The following PSMG1 variants were observed in gnomAD, a reference collection of about 807,000 sequenced individuals.
PSMG1 encodes the protein proteasome assembly chaperone 1.
PSMG1 carries 23 observed loss-of-function variants against 37.2 expected under a neutral mutation model. The observed-to-expected ratio is 0.62, with a 90% confidence interval of 0.44 to 0.88. The LOEUF (loss-of-function observed/expected upper bound fraction) is 0.88, where lower values mean the gene tolerates loss of function less well. Ranked by LOEUF, PSMG1 falls within the 40% of genes least tolerant of loss-of-function variation. The pLI is 0.00. For synonymous variants in PSMG1, 127 were observed against 128.0 expected (o/e 0.99, Z 0.05); for missense variants, 340 against 344.2 (o/e 0.99, Z 0.10).
chr21:39,175,443 G>A lies in PSMG1; in HGVS notation c.*147C>T. On this transcript the variant is annotated 3_prime_UTR_variant, in exon 7 of 7. Transcript: ENST00000331573. Reference sequence around the variant, plus strand: ...TGTGAATAATACCACCATAAATAAGGAATTAAAACTACAATTAATTTTTTA... The same window carrying A: ...TGTGAATAATACCACCATAAATAAGAAATTAAAACTACAATTAATTTTTTA... 8.2e-7 allele frequency: 1 copy of A among 1,225,646 alleles called. No homozygotes were observed. Among genetic ancestry groups the A allele is most frequent in the South Asian group, 2.2e-5 (1 of 45,360 alleles). The allele number at this position is 1,225,646 out of a possible 1,614,324, so 75.9% of individuals were successfully genotyped here. A position where few individuals can be genotyped will look rare whatever the true frequency, so the allele number is the denominator to read the frequency against.
chr21:39,182,361 G>A (rs1270665427), intron 1 of PSMG1, among the ~76,000 whole-genome samples: 3 of 152,198 alleles, frequency 2.0e-5, no homozygotes, highest in African/African-American at 7.2e-5. Flanking sequence ...TCTCTTAGGA[G>A]GGGTAAGAGG....
In PSMG1 at chr21:39,183,287, C is replaced by T. The variant is rs746145037; in HGVS notation, c.99G>A (p.Glu33=). The T allele has an allele frequency of 6.3e-6, 10 of 1,588,798 alleles. No individual in the cohort carries two copies. The South Asian group carries it at 1.1e-4, about 18-fold the overall frequency. The change falls in exon 1 of 7, where the codon GAG becomes GAA. Residue 33 remains glutamate, a synonymous_variant. Transcript: ENST00000331573. ...EEEEGRRETP[E]DREVRLQLAR... ...CCAGCTGCAGACGCACCTCCCTGTC[C>T]TCGGGCGTCTCCCTCCGCCCCTCCT...
At chr21:39,183,118 G>C in intron 1 of PSMG1, 134 bp downstream of exon 1, 3 of 1,169,874 alleles carry the variant, frequency 2.6e-6, no homozygotes, top group Non-Finnish European at 3.4e-6. Context: ...GGCCCAAGCA[G>C]AGCCAAGGAG....
At position 39,178,449 on chromosome 21, in the gene PSMG1, C is replaced by T; in HGVS notation, c.655G>A (p.Val219Ile). The stretch of plus-strand genomic sequence containing the variant: ...TAAATGTTACAAATTTTAATACCAC[C>T]TGCTGCAGGAAGGTCGTGTACTATA... The part of the protein sequence containing the change: ...PNIVHDLPAA[V>I]LSYCQVWKIP... Residue 219 changes from valine (V) to isoleucine (I), a missense_variant and splice_region_variant, in exon 5 of 7, where the codon GTT becomes ATT. Coordinates refer to ENST00000331573, the MANE Select transcript of PSMG1 (RefSeq NM_003720.4). 1 of 1,608,178 alleles carries T rather than the reference C, an allele frequency of 6.2e-7. No individual in the cohort carries two copies. Among genetic ancestry groups the T allele is most frequent in the Non-Finnish European group, 8.5e-7 (1 of 1,174,788 alleles).
At chr21:39,179,559 A>C (rs989682147) in intron 4 of PSMG1, among the ~76,000 whole-genome samples, 1 of 152,150 alleles carries the variant, frequency 6.6e-6, no homozygotes, top group Non-Finnish European at 1.5e-5. Flanking sequence ...GATTTGATAG[A>C]TTTCTAAGAA....
In PSMG1 at chr21:39,183,363, T is replaced by A; in HGVS notation, c.23A>T (p.Glu8Val). 1 of 1,573,256 alleles carries A rather than the reference T, an allele frequency of 6.4e-7. No individual in the cohort carries two copies. Among genetic ancestry groups the A allele is most frequent in the Non-Finnish European group, 8.6e-7 (1 of 1,163,332 alleles). Reference protein sequence around the residue: MAATFFGEVVKAPCRAGT... With the variant: MAATFFGVVVKAPCRAGT... ...AGCTCGGCACGGCGCCTTCACCACC[T>A]CTCCGAAGAACGTGGCCGCCATAGC... Residue 8 changes from glutamate to valine, a missense_variant, in exon 1 of 7, where the codon GAG becomes GTG. Physicochemically the swap from Glu to Val is moderately radical, Grantham distance 121. Transcript: ENST00000331573.
chr21:39,181,157 G>A (rs1035693220), intron 2 of PSMG1, among the ~76,000 whole-genome samples: 5 of 152,056 alleles, frequency 3.3e-5, no homozygotes, highest in Admixed American at 3.3e-4. Flanking sequence ...TCTGAGTTGG[G>A]GTCTTGCTTT....
chr21:39,177,176 C>T (rs1360370280), intron 6 of PSMG1, among the ~76,000 whole-genome samples: 2 of 152,266 alleles, frequency 1.3e-5, no homozygotes, highest in East Asian at 3.9e-4. Flanking sequence ...AACAGTAAAA[C>T]CATCTGTCCA....
intron 1 of PSMG1, among the ~76,000 whole-genome samples, chr21:39,182,895 AGT>A (rs1024370588): frequency 1.3e-5 from 2 of 152,142 alleles, no homozygotes; most frequent in African/African-American, 4.8e-5. Flanking sequence ...GGCCCAAGAC[AGT>A]GTGACAAGCG....
intron 6 of PSMG1, among the ~76,000 whole-genome samples, chr21:39,176,882 CTCT>C (rs1037279979): frequency 1.3e-5 from 2 of 152,148 alleles, no homozygotes; most frequent in Non-Finnish European, 2.9e-5. Context: ...CCAAAAAAGT[CTCT>C]TAAGAGAAAA....
chr21:39,182,177 A>G (rs1389728761), intron 1 of PSMG1, among the ~76,000 whole-genome samples: 1 of 152,224 alleles, frequency 6.6e-6, no homozygotes, highest in Non-Finnish European at 1.5e-5. Context: ...AACAGAAAGC[A>G]CCACTTAGTA....
In PSMG1 at chr21:39,181,805, T is replaced by G; in HGVS notation, c.208A>C (p.Lys70Gln). The G allele has an allele frequency of 6.3e-7, 1 of 1,592,992 alleles. No individual in the cohort carries two copies. Among genetic ancestry groups the G allele is most frequent in the Non-Finnish European group, 8.5e-7 (1 of 1,173,188 alleles). ...TTATTTCCTATAGCAATTATAAACT[T>G]GGAGCACGGATATTTTTCTAGCAAA... ...VSLLEKYPCS[K>Q]FIIAIGNNAV... The change falls in exon 2 of 7, where the codon AAG becomes CAG. Residue 70 changes from lysine (K) to glutamine (Q), a missense_variant. Coordinates refer to ENST00000331573, the MANE Select transcript of PSMG1 (RefSeq NM_003720.4).
chr21:39,183,440 C>T lies in PSMG1; in HGVS notation c.-55G>A. ...GCAGCGCCGCGGGACCGCACGCCGG[C>T]TTGCGCGAGACCACGCTCCCTCACC... On this transcript the variant is annotated 5_prime_UTR_variant, in exon 1 of 7. Coordinates refer to ENST00000331573, the MANE Select transcript of PSMG1 (RefSeq NM_003720.4). 6.6e-7 allele frequency: 1 copy of T among 1,517,184 alleles called. No homozygotes were observed. Among genetic ancestry groups the T allele is most frequent in the South Asian group, 1.2e-5 (1 of 81,468 alleles). The allele number at this position is 1,517,184 out of a possible 1,614,324, so 94.0% of individuals were successfully genotyped here.
chr21:39,175,712 G>A (rs2030602729), intron 6 of PSMG1, 48 bp from the exon 7 acceptor site: 8 of 1,257,768 alleles, frequency 6.4e-6, no homozygotes, highest in South Asian at 1.2e-5. Context: ...AGGGATTCAG[G>A]CAGAGGCAAC....
Position 39,177,544 on chromosome 21 carries a change from A to G in PSMG1, c.683T>C (p.Ile228Thr), listed in dbSNP as rs746131426. ...AVLSYCQVWKIPAILYLCYTD... is the reference protein window; with the variant it reads ...AVLSYCQVWKTPAILYLCYTD... ...ATAACACAAGTACAGAATTGCTGGG[A>G]TTTTCCATACTTGACAGTAGCTTAG... The change falls in exon 6 of 7, where the codon ATC becomes ACC. Residue 228 changes from isoleucine to threonine, a missense_variant. By Grantham distance (89) the Ile-to-Thr change is moderately conservative (BLOSUM62 -1). Coordinates refer to ENST00000331573, the MANE Select transcript of PSMG1 (RefSeq NM_003720.4). The G allele has an allele frequency of 4.4e-6, 7 of 1,590,210 alleles. 1 individual carries two copies. In the South Asian group the frequency reaches 8.1e-5, roughly 18 times the overall value.
At chr21:39,177,689 A>C in intron 5 of PSMG1, 118 bp from the exon 6 acceptor site, 2 of 758,026 alleles carry the variant, frequency 2.6e-6, no homozygotes, top group South Asian at 1.1e-4. Context: ...GCCTCTTTCA[A>C]TCAAGGTATT....
chr21:39,178,456 AG>A lies in PSMG1; in HGVS notation c.647del (p.Pro216LeufsTer5). On this transcript the variant is annotated frameshift_variant, in exon 5 of 7. Coordinates refer to ENST00000331573, the MANE Select transcript of PSMG1 (RefSeq NM_003720.4). LOFTEE classifies it high-confidence loss of function. The part of the protein sequence containing the change: ...LEQPNIVHDL[P>X]AAVLSYCQVW... The stretch of plus-strand genomic sequence containing the variant: ...TACAAATTTTAATACCACCTGCTGC[AG>A]GAAGGTCGTGTACTATATTCGGTTG... 1 of 1,610,656 alleles carries A rather than the reference AG, an allele frequency of 6.2e-7. No homozygotes were observed. Among genetic ancestry groups the A allele is most frequent in the Non-Finnish European group, 8.5e-7 (1 of 1,176,834 alleles).
intron 5 of PSMG1, 57 bp downstream of exon 5, chr21:39,178,392 A>T: frequency 6.7e-7 from 1 of 1,497,342 alleles, no homozygotes; most frequent in Admixed American, 1.7e-5. Flanking sequence ...TAATGGTGAA[A>T]AGTAGTATCA....
chr21:39,183,465 C>A (rs920724181), upstream of PSMG1: 9 of 1,464,248 alleles, frequency 6.1e-6, no homozygotes, highest in Non-Finnish European at 8.1e-6. Flanking sequence ...GCTCCCTCAC[C>A]GCGCGGGCAA....
Sources: allele counts gnomAD v4.1 joint callset (sites outside exome capture counted in the v4.1 genomes callset), GRCh38; gene constraint gnomAD v4.1.1; transcripts MANE v1.5; gene names NCBI Gene and HGNC (gene_info 2026-07-23, HGNC 2026-07-21).